Variants in TBCK observed in about 807,000 individuals in gnomAD.
TBCK encodes TBC1 domain containing kinase.
In TBCK, 99 loss-of-function variants were observed where a neutral mutation model predicts 113.4. The observed-to-expected ratio is 0.87, with a 90% CI of 0.74 to 1.03. The LOEUF is 1.03. Ranked by LOEUF, TBCK falls within the 50% of genes least tolerant of loss-of-function variation. The probability of loss-of-function intolerance (pLI) is 0.00; values close to 1 mark genes in which losing one functional copy is unlikely to be tolerated. For synonymous variants in TBCK, 369 were observed against 370.8 expected (o/e 1.00, Z 0.05); for missense variants, 1,045 against 1,061.3 (o/e 0.98, Z 0.21).
intron 22 of TBCK, among the ~76,000 whole-genome samples, chr4:106,185,262 C>G (rs931637819): frequency 2.0e-5 from 3 of 151,920 alleles, no homozygotes; most frequent in Non-Finnish European, 4.4e-5. Flanking sequence ...TCTATAAATA[C>G]TCTGGTATAT....
chr4:106,136,004 G>GT (rs1746511482), intron 23 of TBCK, among the ~76,000 whole-genome samples: 1 of 141,522 alleles, frequency 7.1e-6, no homozygotes, highest in East Asian at 2.0e-4. Flanking sequence ...TAATTTGGCT[G>GT]TTTTTCCAAG....
rs148199015 is a variant in TBCK at position 106,172,845 on chromosome 4, C to T, written c.2060-1575G>A. On this transcript the variant is annotated intron_variant, in intron 22 of 25. Transcript: ENST00000394708. Reference sequence around the variant, plus strand: ...CAATGATTTTATTAAAGACAGGTATCGTAATTCTTCTTCCCACCTTCTATT... The same window carrying T: ...CAATGATTTTATTAAAGACAGGTATTGTAATTCTTCTTCCCACCTTCTATT... Among the ~76,000 whole-genome samples, 866 of 152,036 alleles carry T rather than the reference C, an allele frequency of 5.7e-3. 10 individuals carry two copies. The highest frequency in any genetic ancestry group is 0.02 in the African/African-American group (835 of 41,448).
At chr4:106,108,693 T>C (rs1251489973) in intron 24 of TBCK, among the ~76,000 whole-genome samples, 1 of 152,142 alleles carries the variant, frequency 6.6e-6, no homozygotes, top group Non-Finnish European at 1.5e-5. Context: ...CCTTGAAAAC[T>C]GGCACAAGAC....
Position 106,314,317 on chromosome 4 carries a change from T to G in TBCK, c.-30+1614A>C, listed in dbSNP as rs576408278. On this transcript the variant is annotated intron_variant, in intron 1 of 25. Coordinates refer to ENST00000394708, the MANE Select transcript of TBCK (RefSeq NM_001163435.3). ...AAAAAGTAGTTTACGTATATTATTT[T>G]GAATTATAAAGTAACCAATACAAAA... Among the ~76,000 whole-genome samples the G allele has an allele frequency of 2.0e-5, 3 of 152,320 alleles. No individual in the cohort carries two copies. In the East Asian group the frequency reaches 5.8e-4, roughly 29 times the overall value.
chr4:106,310,225 A>G (rs975363133), intron 1 of TBCK: 14 of 152,328 alleles, frequency 9.2e-5, no homozygotes, highest in African/African-American at 2.9e-4. Context: ...ATAAACCCTT[A>G]ACAAGGAAGA....
intron 3 of TBCK, among the ~76,000 whole-genome samples, chr4:106,265,645 C>T (rs572965870): frequency 1.3e-5 from 2 of 151,900 alleles, no homozygotes; most frequent in African/African-American, 4.8e-5. Flanking sequence ...TCGATAGATA[C>T]TGTTCTTTGG....
At chr4:106,221,882 G>C (rs188022925) in intron 19 of TBCK, among the ~76,000 whole-genome samples, 1 of 152,024 alleles carries the variant, frequency 6.6e-6, no homozygotes, top group Admixed American at 6.5e-5. Flanking sequence ...TATTACCTGG[G>C]TGATGAAATA....
At chr4:106,057,848 G>A (rs1735604506) in intron 25 of TBCK, among the ~76,000 whole-genome samples, 1 of 151,686 alleles carries the variant, frequency 6.6e-6, no homozygotes, top group African/African-American at 2.4e-5. Flanking sequence ...ACATGTCTAA[G>A]CTTCCTAACA....
intron 12 of TBCK, among the ~76,000 whole-genome samples, chr4:106,239,994 A>G (rs1424864441): frequency 6.6e-6 from 1 of 152,066 alleles, no homozygotes; most frequent in Non-Finnish European, 1.5e-5. Context: ...AAATATTAGA[A>G]AATCAAAACA....
chr4:106,099,954 G>T (rs923234769), intron 24 of TBCK, among the ~76,000 whole-genome samples: 2 of 152,132 alleles, frequency 1.3e-5, no homozygotes, highest in Non-Finnish European at 2.9e-5. Flanking sequence ...CAGTCCTCAT[G>T]AATAGAACCT....
intron 23 of TBCK, among the ~76,000 whole-genome samples, chr4:106,154,162 A>G (rs551315378): frequency 6.6e-6 from 1 of 151,872 alleles, no homozygotes; most frequent in South Asian, 2.1e-4. Flanking sequence ...TCTTCCTTTT[A>G]GTGAAGGGGA....
chr4:106,178,497 C>G (rs1480424337), intron 22 of TBCK, among the ~76,000 whole-genome samples: 1 of 151,794 alleles, frequency 6.6e-6, no homozygotes, highest in Non-Finnish European at 1.5e-5. Flanking sequence ...CCTCTTATAC[C>G]CAGTTCTTTG....
intron 2 of TBCK, among the ~76,000 whole-genome samples, chr4:106,304,890 C>T (rs1447749399): frequency 6.6e-6 from 1 of 152,136 alleles, no homozygotes; most frequent in African/African-American, 2.4e-5. Flanking sequence ...TTCTTATTTA[C>T]CATGCATTTC....
At chr4:106,137,104 C>T (rs1746649607) in intron 23 of TBCK, among the ~76,000 whole-genome samples, 1 of 139,338 alleles carries the variant, frequency 7.2e-6, no homozygotes, top group Admixed American at 7.1e-5. Flanking sequence ...TTGTCACTGT[C>T]AAAGATGTGG....
At chr4:106,232,140 T>A (rs1010506960) in intron 17 of TBCK, among the ~76,000 whole-genome samples, 2 of 151,840 alleles carry the variant, frequency 1.3e-5, no homozygotes, top group Non-Finnish European at 3.0e-5. Context: ...ATCTAGGACA[T>A]GGAGTTTTGC....
chr4:106,086,969 CA>C (rs1238108780), intron 25 of TBCK, among the ~76,000 whole-genome samples: 1 of 152,128 alleles, frequency 6.6e-6, no homozygotes, highest in East Asian at 1.9e-4. Flanking sequence ...AACTCACAGC[CA>C]ATTTCATATT....
intron 23 of TBCK, among the ~76,000 whole-genome samples, chr4:106,155,895 T>G (rs1011778234): frequency 6.6e-6 from 1 of 152,138 alleles, no homozygotes; most frequent in Non-Finnish European, 1.5e-5. Context: ...GGTGGCTTAT[T>G]TAGTTCATTT....
chr4:106,201,839 G>GTATTT (rs1560810889), intron 20 of TBCK, among the ~76,000 whole-genome samples: 3 of 151,974 alleles, frequency 2.0e-5, no homozygotes, highest in African/African-American at 7.2e-5. Flanking sequence ...TAAGTCAGAA[G>GTATTT]TATTTTCATA....
At chr4:106,228,119 A>G (rs1194235814) in intron 19 of TBCK, among the ~76,000 whole-genome samples, 1 of 151,964 alleles carries the variant, frequency 6.6e-6, no homozygotes, top group African/African-American at 2.4e-5. Context: ...GGTACATAGA[A>G]CATGCATATA....
Sources: allele counts gnomAD v4.1 joint callset (sites outside exome capture counted in the v4.1 genomes callset), GRCh38; gene constraint gnomAD v4.1.1; transcripts MANE v1.5; gene names NCBI Gene and HGNC (gene_info 2026-07-23, HGNC 2026-07-21).